GALNT5: variants seen among roughly 807,000 people sequenced by gnomAD.
GALNT5 encodes polypeptide N-acetylgalactosaminyltransferase 5.
Under a neutral mutation model 85.4 loss-of-function variants are expected in GALNT5, and 72 were observed. The observed-to-expected ratio is 0.84, with a 90% CI of 0.70 to 1.03. GALNT5 has a LOEUF of 1.03. Ranked by LOEUF, GALNT5 falls within the 50% of genes least tolerant of loss-of-function variation. The pLI is 0.00. For synonymous variants in GALNT5, 404 were observed against 397.0 expected (o/e 1.02, Z -0.21); for missense variants, 1,137 against 1,135.5 (o/e 1.00, Z -0.02).
At chr2:157,298,485 G>A (rs1472539217) in intron 5 of GALNT5, among the ~76,000 whole-genome samples, 1 of 152,132 alleles carries the variant, frequency 6.6e-6, no homozygotes, top group African/African-American at 2.4e-5. Context: ...ATTCACCGCA[G>A]CCTTTCATTA....
chr2:157,276,322 G>T (rs2105132529), intron 1 of GALNT5, among the ~76,000 whole-genome samples: 1 of 152,254 alleles, frequency 6.6e-6, no homozygotes, highest in African/African-American at 2.4e-5. Flanking sequence ...TTGGTATCAG[G>T]ATGATGCTGG....
intron 3 of GALNT5, among the ~76,000 whole-genome samples, chr2:157,289,207 G>T (rs2105148342): frequency 6.6e-6 from 1 of 152,304 alleles, no homozygotes; most frequent in East Asian, 1.9e-4. Context: ...CATGGGTGGA[G>T]TGTCTTAGAA....
At chr2:157,305,916 C>T (rs1017551720) in intron 8 of GALNT5, 87 bp downstream of exon 8, 1 of 740,994 alleles carries the variant, frequency 1.3e-6, no homozygotes, top group African/African-American at 1.8e-5. Context: ...TCATCTTTGC[C>T]CAACAGAAAA....
chr2:157,277,758 G>A (rs556589414), intron 1 of GALNT5, among the ~76,000 whole-genome samples: 111 of 152,232 alleles, frequency 7.3e-4, no homozygotes, highest in Middle Eastern at 3.4e-3. Flanking sequence ...ACACTGATGC[G>A]TCTTGACTGT....
intron 7 of GALNT5, among the ~76,000 whole-genome samples, chr2:157,301,921 C>T (rs1213070548): frequency 1.3e-5 from 2 of 152,128 alleles, no homozygotes; most frequent in African/African-American, 2.4e-5. Context: ...GAGAAAACAT[C>T]AAGAAAGAGG....
chr2:157,295,049 G>C (rs894538713), intron 3 of GALNT5, among the ~76,000 whole-genome samples: 4 of 150,980 alleles, frequency 2.6e-5, no homozygotes, highest in African/African-American at 9.7e-5. Flanking sequence ...CCATTTTTAA[G>C]TGTGCAGGCC....
chr2:157,273,926 C>G (rs113556280), intron 1 of GALNT5, among the ~76,000 whole-genome samples: 21,000 of 151,734 alleles, frequency 0.14, 4,211 homozygotes, highest in African/African-American at 0.44. Flanking sequence ...CTGCACCCAT[C>G]AACTCGTCAT....
At chr2:157,298,642 AT>A (rs1558901791) in intron 5 of GALNT5, among the ~76,000 whole-genome samples, 1 of 152,046 alleles carries the variant, frequency 6.6e-6, no homozygotes, top group African/African-American at 2.4e-5. Context: ...GCTTTAACGA[AT>A]CCCTGCTTGT....
chr2:157,277,735 T>C lies in GALNT5; in HGVS notation c.1455-6547T>C, dbSNP rs1033541395. Among the ~76,000 whole-genome samples, 3 of 152,214 alleles carry C rather than the reference T, an allele frequency of 2.0e-5. No homozygotes were observed. In the South Asian group the frequency reaches 6.2e-4, roughly 32 times the overall value. On this transcript the variant is annotated intron_variant, in intron 1 of 9. Transcript: ENST00000259056. ...TGTGTCTCTGCACATGAGATGGGTC[T>C]CCTGAATACAGCACACTGATGCGTC...
At chr2:157,269,005 T>A (rs1222500562) in intron 1 of GALNT5, among the ~76,000 whole-genome samples, 1 of 152,180 alleles carries the variant, frequency 6.6e-6, no homozygotes, top group Non-Finnish European at 1.5e-5. Flanking sequence ...AAAACTGAAA[T>A]AAAGGAAACT....
intron 1 of GALNT5, among the ~76,000 whole-genome samples, chr2:157,274,617 T>A (rs1682676442): frequency 6.6e-6 from 1 of 152,240 alleles, no homozygotes; most frequent in Non-Finnish European, 1.5e-5. Context: ...GTTGGCTGCA[T>A]AAATGTCTTC....
chr2:157,308,855 A>C, intron 9 of GALNT5, 127 bp downstream of exon 9: 1 of 663,776 alleles, frequency 1.5e-6, no homozygotes, highest in East Asian at 2.9e-5. Context: ...GATTATGTAA[A>C]AGTTCATTCA....
intron 3 of GALNT5, among the ~76,000 whole-genome samples, chr2:157,295,216 C>G (rs1346021203): frequency 6.6e-6 from 1 of 152,150 alleles, no homozygotes; most frequent in Non-Finnish European, 1.5e-5. Flanking sequence ...GGTTTGTCCA[C>G]TTTAATTTCT....
rs559409012 is a variant in GALNT5 at position 157,289,052 on chromosome 2, T to C, written c.1741+2918T>C. 2.0e-5 allele frequency among the ~76,000 whole-genome samples: 3 copies of C among 152,256 alleles called. No homozygotes were observed. The East Asian group carries it at 5.8e-4, about 29-fold the overall frequency. ...TGAGTTTTGATTTTGTCCATATAAA[T>C]TTGAGATGAAAATGAGATATTCATG... On this transcript the variant is annotated intron_variant, in intron 3 of 9. Transcript: ENST00000259056.
chr2:157,296,614 A>G, intron 5 of GALNT5, 101 bp downstream of exon 5: 2 of 848,178 alleles, frequency 2.4e-6, no homozygotes, highest in South Asian at 3.3e-5. Flanking sequence ...TCTATAGAAC[A>G]TTAAGAATCA....
chr2:157,289,585 A>T (rs1375374694), intron 3 of GALNT5, among the ~76,000 whole-genome samples: 4 of 152,152 alleles, frequency 2.6e-5, no homozygotes, highest in African/African-American at 9.7e-5. Context: ...TCTCAGTTTG[A>T]AAAACCCCAG....
At chr2:157,271,878 T>G (rs368183325) in intron 1 of GALNT5, among the ~76,000 whole-genome samples, 1 of 152,184 alleles carries the variant, frequency 6.6e-6, no homozygotes, top group African/African-American at 2.4e-5. Context: ...GTGAGCATGA[T>G]GGGCTCATAC....
At chr2:157,304,264 T>A (rs923350378) in intron 7 of GALNT5, among the ~76,000 whole-genome samples, 1 of 152,188 alleles carries the variant, frequency 6.6e-6, no homozygotes, top group Non-Finnish European at 1.5e-5. Flanking sequence ...CAGTGAGCTG[T>A]CTCCTCCCAT....
intron 3 of GALNT5, among the ~76,000 whole-genome samples, chr2:157,292,981 C>T (rs930488019): frequency 6.6e-6 from 1 of 152,174 alleles, no homozygotes; most frequent in African/African-American, 2.4e-5. Flanking sequence ...AGATTATAGG[C>T]GTGAGCCACC....
Sources: gnomAD v4.1 joint callset for allele counts (sites outside exome capture counted in the v4.1 genomes callset) on GRCh38, gnomAD v4.1.1 for gene constraint, MANE v1.5 for transcripts, NCBI Gene and HGNC (gene_info 2026-07-23, HGNC 2026-07-21) for gene names.